Variants in SPTBN1 observed in about 807,000 individuals in gnomAD.
SPTBN1 encodes spectrin beta, non-erythrocytic 1.
Under a neutral mutation model 266.4 loss-of-function variants are expected in SPTBN1, and 32 were observed. The observed-to-expected ratio is 0.12, with a 90% CI of 0.09 to 0.16. The LOEUF is 0.16. Ranked by LOEUF, SPTBN1 falls within the 10% of genes least tolerant of loss-of-function variation. The pLI is 1.00. For synonymous variants in SPTBN1, 1,336 were observed against 1,162.2 expected (o/e 1.15, Z -3.04); for missense variants, 2,296 against 3,067.1 (o/e 0.75, Z 5.94).
intron 11 of SPTBN1, among the ~76,000 whole-genome samples, chr2:54,625,596 T>G (rs761921631): frequency 1.2e-4 from 19 of 152,094 alleles, no homozygotes; most frequent in Admixed American, 2.0e-4. Context: ...GTTTTGTTTT[T>G]GTTTTGTTTT....
intron 1 of SPTBN1, among the ~76,000 whole-genome samples, chr2:54,487,170 C>CTTTTTTTTTTTTTTTTTTTTTTTTT (rs34779689): frequency 1.0e-5 from 1 of 98,588 alleles, no homozygotes; most frequent in Admixed American, 1.1e-4. Flanking sequence ...ATTAGGATTT[C>CTTTTTTTTTTTTTTTTTTTTTTTTT]TTTTTTTTTT....
In SPTBN1 at chr2:54,653,611, G is replaced by A. The variant is rs756456855; in HGVS notation, c.5580G>A (p.Val1860=). Residue 1860 remains valine, a splice_region_variant and synonymous_variant, in exon 27 of 36, where the codon GTG becomes GTA. Transcript: ENST00000356805. The surrounding 1 kb of genome is among the most constrained non-coding windows in gnomAD (Gnocchi z 5.1). The part of the protein sequence containing the change: ...EHDIQALGTQ[V]RQLQEDAARL... ...TCATCCCCTACATGGCTTCACAGGTGAGGCAGCTGCAGGAGGATGCAGCCC... is the reference window on the plus strand; with the variant it reads ...TCATCCCCTACATGGCTTCACAGGTAAGGCAGCTGCAGGAGGATGCAGCCC... The A allele has an allele frequency of 3.1e-6, 5 of 1,613,392 alleles. No homozygotes were observed. Among genetic ancestry groups the A allele is most frequent in the Non-Finnish European group, 4.2e-6 (5 of 1,179,832 alleles).
chr2:54,549,233 G>A (rs1672424471), intron 2 of SPTBN1, among the ~76,000 whole-genome samples: 1 of 147,894 alleles, frequency 6.8e-6, no homozygotes, highest in Non-Finnish European at 1.5e-5. Flanking sequence ...AGGTTGCAGT[G>A]AGCCGAGATT....
chr2:54,547,224 G>T (rs1344408051), intron 2 of SPTBN1, among the ~76,000 whole-genome samples: 1 of 151,624 alleles, frequency 6.6e-6, no homozygotes, highest in East Asian at 1.9e-4. Context: ...TGTAATATTT[G>T]TTTTTTTTCT....
chr2:54,639,016 A>C (rs55827937), intron 18 of SPTBN1, among the ~76,000 whole-genome samples: 3,260 of 152,300 alleles, frequency 0.021, 48 homozygotes, highest in Non-Finnish European at 0.032. Context: ...TAAACTATGA[A>C]GCTTAGGGTC....
chr2:54,615,677 G>T (rs1677557643), intron 4 of SPTBN1, among the ~76,000 whole-genome samples: 1 of 152,200 alleles, frequency 6.6e-6, no homozygotes, highest in Non-Finnish European at 1.5e-5. Flanking sequence ...TTTGGTGCCA[G>T]CCGACCAGGC....
chr2:54,516,621 G>A (rs1670121886), intron 1 of SPTBN1, among the ~76,000 whole-genome samples: 2 of 152,142 alleles, frequency 1.3e-5, no homozygotes, highest in African/African-American at 4.8e-5. Context: ...TATGCTTGCC[G>A]ACTAAGTGAC....
chr2:54,486,332 A>G (rs1668388561), intron 1 of SPTBN1, among the ~76,000 whole-genome samples: 1 of 152,082 alleles, frequency 6.6e-6, no homozygotes. Context: ...GTGTCTGTGT[A>G]GAAAGAAGTA....
intron 1 of SPTBN1, among the ~76,000 whole-genome samples, chr2:54,471,900 T>C (rs959273021): frequency 2.0e-5 from 3 of 149,438 alleles, no homozygotes; most frequent in African/African-American, 7.5e-5. Context: ...TGAATGATTT[T>C]ACTGGACTAA....
rs1324050491 is a variant in SPTBN1, at chr2:54,656,016, C to G, written c.6046+18C>G. 6.3e-7 allele frequency: 1 copy of G among 1,593,534 alleles called. No homozygotes were observed. Among genetic ancestry groups the G allele is most frequent in the Non-Finnish European group, 8.6e-7 (1 of 1,164,588 alleles). On this transcript the variant is annotated intron_variant, in intron 29 of 35. Transcript: ENST00000356805. ...AAGACTGAGTAAGGATGTAGTTTAT[C>G]TTTCTGCTCTTTTGGGTATCAATGG...
chr2:54,633,791 C>A (rs1404235304), intron 17 of SPTBN1, among the ~76,000 whole-genome samples: 2 of 152,162 alleles, frequency 1.3e-5, no homozygotes, highest in Non-Finnish European at 2.9e-5. Context: ...GTCAGGTTGA[C>A]TTAAAATAAG....
At chr2:54,590,256 C>T (rs996022000) in intron 2 of SPTBN1, among the ~76,000 whole-genome samples, 3 of 152,178 alleles carry the variant, frequency 2.0e-5, no homozygotes, top group African/African-American at 7.2e-5. Context: ...GTTCACCTGT[C>T]ATATATTTTT....
intron 2 of SPTBN1, among the ~76,000 whole-genome samples, chr2:54,548,738 T>C (rs891692186): frequency 1.3e-5 from 2 of 152,192 alleles, no homozygotes; most frequent in African/African-American, 2.4e-5. Flanking sequence ...TTACTATAAA[T>C]GAGATGGGTT....
chr2:54,572,156 A>G (rs1342357514), intron 2 of SPTBN1, among the ~76,000 whole-genome samples: 3 of 152,056 alleles, frequency 2.0e-5, no homozygotes, highest in Non-Finnish European at 4.4e-5. Flanking sequence ...CACGGTACTA[A>G]GGTACTTAGG....
At chr2:54,610,745 T>C (rs184932672) in intron 3 of SPTBN1, among the ~76,000 whole-genome samples, 1 of 152,386 alleles carries the variant, frequency 6.6e-6, no homozygotes, top group East Asian at 1.9e-4. Context: ...CAGTTCATCC[T>C]TTTCTTGTAA....
chr2:54,665,663 G>A (rs2292356), intron 33 of SPTBN1, among the ~76,000 whole-genome samples: 119,765 of 151,792 alleles, frequency 0.79, 48,044 homozygotes, highest in African/African-American at 0.93. Flanking sequence ...GCTTTTCTCC[G>A]AAGTGAAAGA....
rs57224982 is a variant in SPTBN1, at chr2:54,540,240, T to A, written c.148+13674T>A. Among the ~76,000 whole-genome samples the A allele has an allele frequency of 6.6e-6, 1 of 152,200 alleles. No individual in the cohort carries two copies. The highest frequency in any genetic ancestry group is 1.9e-4 in the East Asian group (1 of 5,194). On this transcript the variant is annotated intron_variant, in intron 2 of 35. Coordinates refer to ENST00000356805, the MANE Select transcript of SPTBN1 (RefSeq NM_003128.3). This position sits in a 1 kb window ranked among gnomAD's most constrained non-coding sequence, Gnocchi z 5.6. ...TTTCTTTTCTAGTAATAAACAGAAGTAAGACCAGCTGATTGATAGAATCCT... is the reference window on the plus strand; with the variant it reads ...TTTCTTTTCTAGTAATAAACAGAAGAAAGACCAGCTGATTGATAGAATCCT...
chr2:54,511,425 A>T (rs950070460), intron 1 of SPTBN1, among the ~76,000 whole-genome samples: 1 of 152,222 alleles, frequency 6.6e-6, no homozygotes, highest in Non-Finnish European at 1.5e-5. Context: ...TAGTAATAGA[A>T]TAGTGGTCTC....
At chr2:54,577,049 T>C (rs1055289550) in intron 2 of SPTBN1, among the ~76,000 whole-genome samples, 4 of 152,178 alleles carry the variant, frequency 2.6e-5, no homozygotes, top group Admixed American at 2.6e-4. Context: ...TGGGACATCA[T>C]GCAAGTTTTT....
Sources: gnomAD v4.1 joint callset for allele counts (sites outside exome capture counted in the v4.1 genomes callset) on GRCh38, gnomAD v4.1.1 for gene constraint, Gnocchi (gnomAD v3.1) non-coding constraint, MANE v1.5 for transcripts, NCBI Gene and HGNC (gene_info 2026-07-23, HGNC 2026-07-21) for gene names.